Variants in AKAP7 observed in about 807,000 individuals in gnomAD.
AKAP7 encodes the protein A kinase (PRKA) anchor protein 7.
Under a neutral mutation model 39.5 loss-of-function variants are expected in AKAP7, and 39 were observed. That is an observed-to-expected ratio of 0.99 (90% CI 0.76 to 1.29). The LOEUF (loss-of-function observed/expected upper bound fraction) is 1.29, where lower values mean the gene tolerates loss of function less well. AKAP7 is among the 50% of genes most tolerant of loss of function. The probability of loss-of-function intolerance (pLI) is 0.00; values close to 1 mark genes in which losing one functional copy is unlikely to be tolerated. For missense variants in AKAP7, 414 were observed against 407.7 expected (o/e 1.02, Z -0.13); for synonymous variants, 140 against 139.1 (o/e 1.01, Z -0.05).
intron 7 of AKAP7, among the ~76,000 whole-genome samples, chr6:131,237,975 C>G (rs1334840424): frequency 3.3e-5 from 5 of 152,132 alleles, no homozygotes; most frequent in Non-Finnish European, 5.9e-5. Context: ...TCTCGATTCT[C>G]TAGTTCTTTT....
At chr6:131,166,562 G>A (rs561910667) in intron 4 of AKAP7, among the ~76,000 whole-genome samples, 39 of 152,304 alleles carry the variant, frequency 2.6e-4, no homozygotes, top group Admixed American at 1.1e-3. Flanking sequence ...AGTTGATGTC[G>A]TAGTCTCAAG....
intron 6 of AKAP7, among the ~76,000 whole-genome samples, chr6:131,213,134 A>G (rs1171613338): frequency 6.6e-6 from 1 of 152,214 alleles, no homozygotes; most frequent in Non-Finnish European, 1.5e-5. Context: ...CTACCATGAT[A>G]TAAATATGTT....
chr6:131,231,761 G>A (rs1045787157), intron 7 of AKAP7, among the ~76,000 whole-genome samples: 21 of 152,120 alleles, frequency 1.4e-4, no homozygotes, highest in Non-Finnish European at 2.6e-4. Context: ...ACCTAAGAAA[G>A]TATAATGTTC....
intron 7 of AKAP7, among the ~76,000 whole-genome samples, chr6:131,261,936 A>T (rs1316459402): frequency 6.6e-6 from 1 of 152,184 alleles, no homozygotes; most frequent in African/African-American, 2.4e-5. Flanking sequence ...ACTGAGGGAA[A>T]AGATAGTAAC....
At chr6:131,173,863 T>G (rs1412765729) in intron 5 of AKAP7, among the ~76,000 whole-genome samples, 2 of 152,248 alleles carry the variant, frequency 1.3e-5, no homozygotes, top group Non-Finnish European at 2.9e-5. Context: ...AATAATTCAC[T>G]GGGTGCTTGC....
At chr6:131,245,911 T>A (rs1811963007) in intron 7 of AKAP7, among the ~76,000 whole-genome samples, 1 of 152,122 alleles carries the variant, frequency 6.6e-6, no homozygotes, top group Non-Finnish European at 1.5e-5. Context: ...TTCTCATGTG[T>A]CTCTGCAAGT....
intron 7 of AKAP7, among the ~76,000 whole-genome samples, chr6:131,241,617 G>GTATACGTATATA (rs1562238097): frequency 1.2e-4 from 12 of 97,282 alleles, no homozygotes; most frequent in Admixed American, 3.0e-4. Flanking sequence ...GTGTGTGTGT[G>GTATACGTATATA]TGTGTGTGTG....
intron 7 of AKAP7, among the ~76,000 whole-genome samples, chr6:131,240,851 T>C (rs796901839): frequency 7.9e-5 from 12 of 152,326 alleles, no homozygotes; most frequent in African/African-American, 2.9e-4. Context: ...CCCCTTGCAC[T>C]TCCCGGGTGA....
chr6:131,217,913 A>G (rs551053740), intron 6 of AKAP7, among the ~76,000 whole-genome samples: 1 of 152,038 alleles, frequency 6.6e-6, no homozygotes, highest in South Asian at 2.1e-4. Flanking sequence ...ACACCCCTAC[A>G]CACACACACA....
intron 7 of AKAP7, among the ~76,000 whole-genome samples, chr6:131,262,617 A>AT (rs200310917): frequency 7.2e-5 from 11 of 151,794 alleles, no homozygotes; most frequent in African/African-American, 1.7e-4. Flanking sequence ...ATTTTTAAAA[A>AT]AATATATATA....
intron 4 of AKAP7, among the ~76,000 whole-genome samples, chr6:131,168,496 C>T (rs908247027): frequency 7.2e-5 from 11 of 151,872 alleles, no homozygotes; most frequent in Admixed American, 4.6e-4. Flanking sequence ...GGAAAGATAT[C>T]GCACTTCTAA....
At chr6:131,137,611 T>C (rs1373248346) in intron 1 of AKAP7, 1 of 152,144 alleles carries the variant, frequency 6.6e-6, no homozygotes, top group Non-Finnish European at 1.5e-5. Flanking sequence ...CTCTATCTCC[T>C]GACTTCGTGA....
intron 5 of AKAP7, among the ~76,000 whole-genome samples, chr6:131,171,532 A>G (rs1804045714): frequency 6.6e-6 from 1 of 152,204 alleles, no homozygotes; most frequent in South Asian, 2.1e-4. Flanking sequence ...TGAGATTCGT[A>G]TGCTAAAGGG....
At chr6:131,198,029 T>C (rs1172365659) in intron 5 of AKAP7, among the ~76,000 whole-genome samples, 1 of 152,146 alleles carries the variant, frequency 6.6e-6, no homozygotes, top group Non-Finnish European at 1.5e-5. Context: ...ATATGACTAC[T>C]TGAGATAATG....
At chr6:131,265,857 TG>T (rs1192165388) in intron 7 of AKAP7, among the ~76,000 whole-genome samples, 4 of 152,156 alleles carry the variant, frequency 2.6e-5, no homozygotes, top group Non-Finnish European at 5.9e-5. Flanking sequence ...CTTCAATGTG[TG>T]GGGGGAAAAC....
At chr6:131,126,068 A>G in the AKAP7 span, among the ~76,000 whole-genome samples, 2 of 152,320 alleles carry the variant, frequency 1.3e-5, no homozygotes, top group South Asian at 2.1e-4. Flanking sequence ...CCTCTCTCCA[A>G]TTGGCATTGT....
intron 7 of AKAP7, among the ~76,000 whole-genome samples, chr6:131,257,734 G>A (rs905725410): frequency 2.0e-5 from 3 of 152,108 alleles, no homozygotes; most frequent in Non-Finnish European, 2.9e-5. Context: ...AGGAAGAGTC[G>A]TTCTGAGAAT....
chr6:131,156,462 A>AC (rs1379362475), intron 2 of AKAP7, among the ~76,000 whole-genome samples: 1 of 151,738 alleles, frequency 6.6e-6, no homozygotes, highest in Non-Finnish European at 1.5e-5. Flanking sequence ...ACATAGTGAG[A>AC]CCCCCACCTC....
chr6:131,213,560 C>T (rs1403000871), intron 6 of AKAP7, among the ~76,000 whole-genome samples: 2 of 151,948 alleles, frequency 1.3e-5, no homozygotes, highest in East Asian at 3.9e-4. Flanking sequence ...TTCGAGTGAC[C>T]ACAAGACTGT....
Sources: allele counts gnomAD v4.1 joint callset (sites outside exome capture counted in the v4.1 genomes callset), GRCh38; gene constraint gnomAD v4.1.1; transcripts MANE v1.5; gene names NCBI Gene and HGNC (gene_info 2026-07-23, HGNC 2026-07-21).